Variants in FN1 observed in about 807,000 individuals in gnomAD.
FN1 encodes the protein fibronectin 1.
In FN1, 106 loss-of-function variants were observed where a neutral mutation model predicts 297.3. The observed-to-expected ratio is 0.36, with a 90% CI of 0.30 to 0.42. FN1 has a LOEUF of 0.42. Ranked by LOEUF, FN1 falls within the 10% of genes least tolerant of loss-of-function variation. The pLI, the probability that FN1 is intolerant of heterozygous loss-of-function variation, is 1.00. For missense variants in FN1, 2,690 were observed against 3,124.9 expected, an observed-to-expected ratio of 0.86 and a Z score of 3.32; for synonymous variants, 1,149 against 1,152.6, an observed-to-expected ratio of 1.00 and a Z score of 0.06.
At chr2:215,430,538 G>A (rs1411786340) in intron 5 of FN1, among the ~76,000 whole-genome samples, 177 bp downstream of exon 5, 1 of 152,176 alleles carries the variant, frequency 6.6e-6, no homozygotes, top group African/African-American at 2.4e-5. Flanking sequence ...TTCTATTTAT[G>A]TAGTCTTCTC....
Position 215,431,962 on chromosome 2 carries a change from G to A in FN1, c.418C>T (p.Arg140Cys), listed in dbSNP as rs1412550258. ...RGRISCTIAN[R>C]CHEGGQSYKI... ...TAGGACTGACCCCCTTCATGGCAGCGGTCTGTTGAAGATACAACGAAAATG... is the reference window on the plus strand; with the variant it reads ...TAGGACTGACCCCCTTCATGGCAGCAGTCTGTTGAAGATACAACGAAAATG... Residue 140 changes from arginine to cysteine, a missense_variant and splice_region_variant, in exon 4 of 46, where the codon CGC becomes TGC. Arg to Cys is a radical substitution (Grantham distance 180). Transcript: ENST00000354785. 2.5e-6 allele frequency: 4 copies of A among 1,613,898 alleles called. No individual in the cohort carries two copies. The highest frequency in any genetic ancestry group is 1.7e-5 in the Admixed American group (1 of 59,992).
At chr2:215,378,328 C>G in intron 34 of FN1, 66 bp from the exon 35 acceptor site, 1 of 830,810 alleles carries the variant, frequency 1.2e-6, no homozygotes, top group Non-Finnish European at 2.1e-6. Flanking sequence ...AGTTTCACTA[C>G]AGCATTAGGT....
intron 29 of FN1, chr2:215,384,423 T>G (rs538495988): frequency 1.3e-4 from 72 of 545,868 alleles, no homozygotes; most frequent in Admixed American, 3.0e-4. Flanking sequence ...CTTTAAAATG[T>G]CACTGAGTAG....
chr2:215,375,140 C>T (rs1465949890), intron 38 of FN1, 74 bp downstream of exon 38: 1 of 1,399,316 alleles, frequency 7.1e-7, no homozygotes, highest in East Asian at 2.3e-5. Context: ...ATCAAAGACG[C>T]TGTGGGAGTT....
chr2:215,420,099 T>G (rs1397781628), intron 11 of FN1, among the ~76,000 whole-genome samples: 1 of 152,168 alleles, frequency 6.6e-6, no homozygotes, highest in Non-Finnish European at 1.5e-5. Flanking sequence ...TTTACACCCT[T>G]TGCTCATGCT....
intron 45 of FN1, 110 bp downstream of exon 45, chr2:215,361,859 T>C (rs1435430766): frequency 2.7e-5 from 39 of 1,440,488 alleles, no homozygotes; most frequent in Admixed American, 4.5e-5. Context: ...CATTTATGAG[T>C]TGTTTTTTTT....
At chr2:215,409,110 GT>G (rs1437238331) in intron 15 of FN1, among the ~76,000 whole-genome samples, 1 of 152,138 alleles carries the variant, frequency 6.6e-6, no homozygotes, top group Non-Finnish European at 1.5e-5. Flanking sequence ...TGCTGGTCTT[GT>G]GGTGTGTTCA....
intron 23 of FN1, 119 bp from the exon 24 acceptor site, chr2:215,394,838 C>T: frequency 2.7e-6 from 2 of 746,392 alleles, no homozygotes; most frequent in South Asian, 1.5e-5. Context: ...TTACTGAGGA[C>T]TCCACTGTCA....
chr2:215,384,486 C>T lies in FN1; in HGVS notation c.4730-302G>A. On this transcript the variant is annotated intron_variant, in intron 29 of 45. Transcript: ENST00000354785. ...TAAGCCCTCAACCCAGGATTGCATG[C>T]ATTGTGTCCTTTTTAAAACTTTTAA... 7.0e-6 allele frequency: 3 copies of T among 431,316 alleles called. No individual in the cohort carries two copies. The South Asian group carries it at 9.8e-5, about 14-fold the overall frequency. The allele number at this position is 431,316 out of a possible 1,614,324, so 26.7% of individuals were successfully genotyped here.
chr2:215,404,194 GT>G (rs1308102813), intron 20 of FN1, among the ~76,000 whole-genome samples, 194 bp downstream of exon 20: 1 of 152,086 alleles, frequency 6.6e-6, no homozygotes, highest in Admixed American at 6.5e-5. Context: ...TGGCACAACC[GT>G]TTTTCTTGTT....
At chr2:215,428,065 T>A in intron 6 of FN1, 115 bp downstream of exon 6, 19 of 1,236,600 alleles carry the variant, frequency 1.5e-5, no homozygotes, top group Non-Finnish European at 2.2e-5. Flanking sequence ...TCTTAGGTTA[T>A]TAGCTGAAAC....
At chr2:215,383,515 G>GC (rs1156440862) in intron 30 of FN1, 32 bp from the exon 31 acceptor site, 2 of 1,613,120 alleles carry the variant, frequency 1.2e-6, no homozygotes, top group Non-Finnish European at 1.7e-6. Flanking sequence ...AACCAGTGAA[G>GC]CCCCAGTCCT....
intron 20 of FN1, among the ~76,000 whole-genome samples, chr2:215,401,705 A>AT (rs540556171): frequency 7.3e-4 from 110 of 151,492 alleles, no homozygotes; most frequent in Non-Finnish European, 1.3e-3. Context: ...ACTCCAGTCA[A>AT]TTTTTTTTTC....
chr2:215,421,982 T>A, intron 10 of FN1, 109 bp downstream of exon 10: 1 of 1,029,876 alleles, frequency 9.7e-7, no homozygotes, highest in South Asian at 1.3e-5. Flanking sequence ...TGACGTGGCA[T>A]TCCATATTTC....
chr2:215,415,251 A>G (rs1034659232), intron 12 of FN1, among the ~76,000 whole-genome samples: 2 of 152,178 alleles, frequency 1.3e-5, no homozygotes, highest in Non-Finnish European at 2.9e-5. Flanking sequence ...TTTCTCTACT[A>G]TCAAAGTAAG....
At position 215,391,760 on chromosome 2, in the gene FN1, C is replaced by G; in HGVS notation, c.4124G>C (p.Arg1375Pro). The change falls in exon 26 of 46, where the codon CGT (arginine) becomes CCT (proline). Residue 1375 changes from arginine to proline, a missense_variant. This residue lies in a region of FN1 where 1,743 missense variants were observed against 1,945.2 expected (regional missense o/e 0.90). Transcript: ENST00000354785. ...GGATGGGGGTGGAGCCCAGGTGACA[C>G]GCATGGTGTCTGGACCAATGTTGGT... ...RFTNIGPDTM[R>P]VTWAPPPSID... 2 of 1,614,112 alleles carry G rather than the reference C, an allele frequency of 1.2e-6. No individual in the cohort carries two copies. The highest frequency in any genetic ancestry group is 1.7e-6 in the Non-Finnish European group (2 of 1,180,002).
Position 215,378,161 on chromosome 2 carries a change from A to C in FN1, c.5710+14T>G, listed in dbSNP as rs2057650903. On this transcript the variant is annotated intron_variant, in intron 35 of 45. Transcript: ENST00000354785. The stretch of plus-strand genomic sequence containing the variant: ...ACAGAAGGTTTGTCCATATGAAGAC[A>C]TTTTGTTACTTACTCTCCAGAGTGG... The C allele has an allele frequency of 6.7e-7, 1 of 1,495,464 alleles. No homozygotes were observed. The allele number at this position is 1,495,464 out of a possible 1,614,324, so 92.6% of individuals were successfully genotyped here.
intron 26 of FN1, among the ~76,000 whole-genome samples, chr2:215,391,135 C>A (rs1375362667): frequency 6.6e-6 from 1 of 152,102 alleles, no homozygotes; most frequent in Non-Finnish European, 1.5e-5. Flanking sequence ...TTTTGAAGTA[C>A]AAATTAAACT....
chr2:215,381,197 C>T (rs1319517421), intron 32 of FN1, 117 bp from the exon 33 acceptor site: 5 of 1,012,516 alleles, frequency 4.9e-6, no homozygotes, highest in Non-Finnish European at 7.7e-6. Flanking sequence ...TCCAATTAAC[C>T]CACTATCAAA....
Sources: gnomAD v4.1 joint callset for allele counts (sites outside exome capture counted in the v4.1 genomes callset) on GRCh38, gnomAD v4.1.1 for gene constraint, gnomAD v4.1.1 regional missense constraint, MANE v1.5 for transcripts, NCBI Gene and HGNC (gene_info 2026-07-23, HGNC 2026-07-21) for gene names.